Variants in DPP6 observed in about 807,000 individuals in gnomAD.
DPP6 encodes dipeptidyl peptidase like 6.
A neutral mutation model predicts 122.6 loss-of-function variants in DPP6; 69 were observed. The ratio of observed to expected loss-of-function variants is 0.56; its 90% CI spans 0.46 to 0.69. The LOEUF (loss-of-function observed/expected upper bound fraction) is 0.69. DPP6 is among the 30% of genes least tolerant of loss of function. DPP6 has a pLI of 0.00. For synonymous variants in DPP6, 418 were observed against 433.1 expected, an observed-to-expected ratio of 0.97 and a Z score of 0.43; for missense variants, 928 against 1,116.9, an observed-to-expected ratio of 0.83 and a Z score of 2.41.
chr7:154,732,751 C>A lies in DPP6; in HGVS notation c.883+4864C>A, dbSNP rs118105862. The stretch of plus-strand genomic sequence containing the variant: ...TTAACTAGTCAAGAACATAAAAGTA[C>A]TTGAAAAATGTGATCAGATCAGGAG... On this transcript the variant is annotated intron_variant, in intron 8 of 25. Transcript: ENST00000377770. Among the ~76,000 whole-genome samples, 683 of 152,248 alleles carry A rather than the reference C, an allele frequency of 4.5e-3. 1 individual carries two copies. The highest frequency in any genetic ancestry group is 7.3e-3 in the Non-Finnish European group (498 of 68,026).
chr7:154,571,033 GACA>G (rs1244478029), intron 5 of DPP6, among the ~76,000 whole-genome samples: 1 of 152,084 alleles, frequency 6.6e-6, no homozygotes, highest in Non-Finnish European at 1.5e-5. Flanking sequence ...GCTCCAAAGA[GACA>G]ACATGTGCTA....
the DPP6 span, among the ~76,000 whole-genome samples, chr7:153,839,496 G>A: frequency 6.6e-6 from 1 of 152,174 alleles, no homozygotes; most frequent in African/African-American, 2.4e-5. Flanking sequence ...TGCACACTTA[G>A]GCTTAGAGTC....
At chr7:154,313,248 A>G (rs1481240762) in intron 1 of DPP6, among the ~76,000 whole-genome samples, 1 of 152,182 alleles carries the variant, frequency 6.6e-6, no homozygotes, top group African/African-American at 2.4e-5. Context: ...GTCAGGAGAG[A>G]GCAGAACAGT....
chr7:153,978,705 A>G (rs980265235), intron 1 of DPP6, among the ~76,000 whole-genome samples: 5 of 152,192 alleles, frequency 3.3e-5, no homozygotes, highest in African/African-American at 1.2e-4. Context: ...TTAAATCTTT[A>G]TCTTAAGTTA....
chr7:154,587,273 G>A (rs11975659), intron 5 of DPP6: 9,060 of 279,564 alleles, frequency 0.032, 363 homozygotes, highest in African/African-American at 0.12. Flanking sequence ...CCAATGCCTT[G>A]GGTGGCTGCT....
chr7:154,792,341 G>A (rs931278057), intron 10 of DPP6, among the ~76,000 whole-genome samples: 5 of 152,230 alleles, frequency 3.3e-5, no homozygotes, highest in African/African-American at 9.6e-5. Flanking sequence ...ACGCTTCAGC[G>A]TCCTCCAGTG....
At chr7:154,728,200 T>C (rs1842163364) in intron 8 of DPP6, among the ~76,000 whole-genome samples, 1 of 152,180 alleles carries the variant, frequency 6.6e-6, no homozygotes, top group African/African-American at 2.4e-5. Flanking sequence ...GGAGATTTAT[T>C]ATGTCAGGAG....
At chr7:154,029,802 C>T (rs530201976) in intron 1 of DPP6, among the ~76,000 whole-genome samples, 8 of 150,866 alleles carry the variant, frequency 5.3e-5, no homozygotes, top group South Asian at 2.1e-4. Context: ...GCTGAGATCA[C>T]GCCACTACAC....
chr7:154,052,054 C>A (rs1401971126), upstream of DPP6, among the ~76,000 whole-genome samples: 3 of 151,386 alleles, frequency 2.0e-5, no homozygotes, highest in African/African-American at 7.3e-5. The surrounding 1 kb of genome is among the most constrained non-coding windows in gnomAD (Gnocchi z 4.8). Context: ...CAGTCGCCCC[C>A]TGGCCGGCCT....
At chr7:154,415,300 T>C (rs2151215173) in intron 1 of DPP6, among the ~76,000 whole-genome samples, 1 of 150,802 alleles carries the variant, frequency 6.6e-6, no homozygotes. Context: ...CATATGGTGG[T>C]ATGAACAGAG....
chr7:153,755,034 T>C, the DPP6 span, among the ~76,000 whole-genome samples: 6 of 149,516 alleles, frequency 4.0e-5, no homozygotes, highest in South Asian at 1.3e-3. Context: ...CTGTATTTTC[T>C]TCTCGAAATT....
chr7:154,775,284 G>A (rs889493997), intron 10 of DPP6, among the ~76,000 whole-genome samples: 2 of 152,014 alleles, frequency 1.3e-5, no homozygotes, highest in Non-Finnish European at 2.9e-5. Flanking sequence ...GTTTACTCTC[G>A]TGGACAGTTG....
chr7:154,689,692 A>G (rs373909877), intron 7 of DPP6, among the ~76,000 whole-genome samples: 8 of 152,362 alleles, frequency 5.3e-5, no homozygotes, highest in African/African-American at 1.4e-4. Context: ...ACACAAAACT[A>G]TGCAACTATA....
At chr7:153,791,230 T>C in the DPP6 span, among the ~76,000 whole-genome samples, 1 of 152,156 alleles carries the variant, frequency 6.6e-6, no homozygotes, top group Non-Finnish European at 1.5e-5. Context: ...TATATCATGT[T>C]ATTAGTGTTC....
At chr7:153,793,343 A>T in the DPP6 span, among the ~76,000 whole-genome samples, 1 of 146,970 alleles carries the variant, frequency 6.8e-6, no homozygotes, top group East Asian at 2.0e-4. Context: ...AACTGGAGCA[A>T]AGGTGACTCT....
chr7:154,678,804 C>T (rs1028466434), intron 7 of DPP6, among the ~76,000 whole-genome samples: 3 of 152,294 alleles, frequency 2.0e-5, no homozygotes, highest in Middle Eastern at 3.4e-3. Flanking sequence ...AGTTGCGTGA[C>T]CTTGACTGAG....
chr7:154,016,601 A>T (rs1291687280), intron 1 of DPP6, among the ~76,000 whole-genome samples: 1 of 152,096 alleles, frequency 6.6e-6, no homozygotes, highest in Non-Finnish European at 1.5e-5. Context: ...CAAGTCTACA[A>T]AGGTTTTTGG....
intron 1 of DPP6, among the ~76,000 whole-genome samples, chr7:154,148,684 T>C (rs2150679433): frequency 6.6e-6 from 1 of 152,424 alleles, no homozygotes; most frequent in East Asian, 1.9e-4. Flanking sequence ...TGATATTTAA[T>C]TTATTTGAAA....
intron 1 of DPP6, among the ~76,000 whole-genome samples, chr7:154,066,413 G>A (rs1002196676): frequency 2.1e-4 from 32 of 152,156 alleles, no homozygotes; most frequent in Non-Finnish European, 4.1e-4. Flanking sequence ...TGTCCCTACT[G>A]AACAGAGCCC....
Sources: gnomAD v4.1 joint callset for allele counts (sites outside exome capture counted in the v4.1 genomes callset) on GRCh38, gnomAD v4.1.1 for gene constraint, Gnocchi (gnomAD v3.1) non-coding constraint, MANE v1.5 for transcripts, NCBI Gene and HGNC (gene_info 2026-07-23, HGNC 2026-07-21) for gene names.